The following SCFD1 variants were observed in gnomAD, a reference collection of about 807,000 sequenced individuals.
SCFD1 encodes sec1 family domain-containing protein 1.
SCFD1 carries 37 observed loss-of-function variants against 103.2 expected under a neutral mutation model. The observed-to-expected ratio is 0.36, with a 90% confidence interval of 0.28 to 0.47. The LOEUF (loss-of-function observed/expected upper bound fraction) is 0.47, where lower values mean the gene tolerates loss of function less well. SCFD1 is among the 20% of genes least tolerant of loss of function. The pLI is 1.00. For synonymous variants in SCFD1, 264 were observed against 245.0 expected (o/e 1.08, Z -0.73); for missense variants, 639 against 761.2 (o/e 0.84, Z 1.89).
chr14:30,716,913 T>A (rs1334010267), intron 20 of SCFD1, among the ~76,000 whole-genome samples: 1 of 152,198 alleles, frequency 6.6e-6, no homozygotes, highest in Non-Finnish European at 1.5e-5. Context: ...TAAAAAGGAT[T>A]GGATTCTTCC....
chr14:30,729,027 T>C (rs540098593), intron 23 of SCFD1, among the ~76,000 whole-genome samples: 1 of 152,220 alleles, frequency 6.6e-6, no homozygotes, highest in Non-Finnish European at 1.5e-5. Context: ...CCCAGAGTGT[T>C]GGGATTACAG....
intron 23 of SCFD1, among the ~76,000 whole-genome samples, chr14:30,728,607 C>T (rs61976741): frequency 0.28 from 41,879 of 151,938 alleles, 6,281 homozygotes; most frequent in East Asian, 0.62. Flanking sequence ...GGAATTGTTG[C>T]GTCACTTAGT....
At chr14:30,625,738 G>A (rs1482321287) in intron 1 of SCFD1, among the ~76,000 whole-genome samples, 1 of 151,332 alleles carries the variant, frequency 6.6e-6, no homozygotes, top group Non-Finnish European at 1.5e-5. Context: ...TATATCAATA[G>A]GTATATTGAT....
intron 15 of SCFD1, among the ~76,000 whole-genome samples, chr14:30,695,713 A>G (rs557305295): frequency 7.3e-4 from 111 of 152,160 alleles, no homozygotes; most frequent in African/African-American, 2.6e-3. Context: ...CACACAAAAA[A>G]TGAAGAAAGT....
chr14:30,727,841 T>C (rs572948119), intron 23 of SCFD1, among the ~76,000 whole-genome samples: 10 of 152,206 alleles, frequency 6.6e-5, no homozygotes, highest in African/African-American at 2.4e-4. Flanking sequence ...AGTCACATGA[T>C]GTTGAGGTGG....
chr14:30,674,486 A>G (rs1179358577), intron 13 of SCFD1, among the ~76,000 whole-genome samples: 1 of 152,122 alleles, frequency 6.6e-6, no homozygotes, highest in African/African-American at 2.4e-5. Context: ...ACTTAAAAAA[A>G]TAAATAAATA....
chr14:30,677,873 C>A (rs1889162631), intron 14 of SCFD1, among the ~76,000 whole-genome samples: 1 of 111,972 alleles, frequency 8.9e-6, no homozygotes, highest in African/African-American at 3.6e-5. Flanking sequence ...CAGAGTCTCA[C>A]TCTGTCACCA....
chr14:30,718,120 A>G (rs1892411145), intron 20 of SCFD1, among the ~76,000 whole-genome samples: 3 of 152,192 alleles, frequency 2.0e-5, no homozygotes, highest in African/African-American at 7.2e-5. Flanking sequence ...CATTCCCTTC[A>G]TGGAATCCCA....
Position 30,633,830 on chromosome 14 carries a change from C to T in SCFD1, c.222-117C>T. On this transcript the variant is annotated intron_variant, in intron 3 of 24. Coordinates refer to ENST00000458591, the MANE Select transcript of SCFD1 (RefSeq NM_016106.4). Reference sequence around the variant, plus strand: ...GATAGGTTAACTCACTGATTAATTGCAACAAGAGCTTTTAGAGCACTGGTT... The same window carrying T: ...GATAGGTTAACTCACTGATTAATTGTAACAAGAGCTTTTAGAGCACTGGTT... 2 of 509,422 alleles carry T rather than the reference C, an allele frequency of 3.9e-6. 1 individual carries two copies. Among genetic ancestry groups the T allele is most frequent in the South Asian group, 6.7e-5 (2 of 29,694 alleles). 31.6% of individuals were successfully genotyped at this position (509,422 alleles called of 1,614,324 possible).
At chr14:30,648,898 C>T (rs1293807547) in intron 7 of SCFD1, among the ~76,000 whole-genome samples, 1 of 150,468 alleles carries the variant, frequency 6.6e-6, no homozygotes, top group East Asian at 2.0e-4. Context: ...GGTTTGAGCC[C>T]AGCAGGTCAA....
intron 14 of SCFD1, among the ~76,000 whole-genome samples, chr14:30,692,028 C>G (rs902883909): frequency 6.6e-6 from 1 of 151,810 alleles, no homozygotes; most frequent in Non-Finnish European, 1.5e-5. Context: ...TCAAGCGATC[C>G]TCTCACCTCA....
chr14:30,639,922 AG>A (rs1041833740), intron 6 of SCFD1, 58 bp downstream of exon 6: 1 of 1,501,690 alleles, frequency 6.7e-7, no homozygotes, highest in African/African-American at 1.4e-5. Context: ...GTATACTGTA[AG>A]AAAAAAAGTG....
chr14:30,683,345 G>A (rs775680899), intron 14 of SCFD1: 13 of 594,150 alleles, frequency 2.2e-5, no homozygotes, highest in Non-Finnish European at 3.9e-5. Context: ...AGTCACTGGG[G>A]AACTCTAGTG....
At chr14:30,666,481 G>A (rs543596887) in intron 10 of SCFD1, among the ~76,000 whole-genome samples, 9 of 151,986 alleles carry the variant, frequency 5.9e-5, no homozygotes, top group African/African-American at 1.9e-4. Flanking sequence ...TAACATCACA[G>A]TTAAAAGAAC....
chr14:30,692,189 G>C (rs1890362463), intron 14 of SCFD1, among the ~76,000 whole-genome samples: 1 of 151,938 alleles, frequency 6.6e-6, no homozygotes, highest in South Asian at 2.1e-4. Flanking sequence ...ATGATTACTT[G>C]GTCTGTATAC....
At chr14:30,640,592 A>C (rs1425320042) in intron 6 of SCFD1, among the ~76,000 whole-genome samples, 2 of 152,108 alleles carry the variant, frequency 1.3e-5, no homozygotes, top group African/African-American at 4.8e-5. Flanking sequence ...TCTCCTAATC[A>C]GTCCCCTTTA....
At chr14:30,631,641 A>C (rs894828776) in intron 3 of SCFD1, among the ~76,000 whole-genome samples, 4 of 152,210 alleles carry the variant, frequency 2.6e-5, no homozygotes, top group African/African-American at 9.6e-5. Context: ...TAATCACCAT[A>C]GTGGGCTATC....
At chr14:30,631,005 T>G in intron 3 of SCFD1, 1 of 159,360 alleles carries the variant, frequency 6.3e-6, no homozygotes, top group Non-Finnish European at 1.4e-5. Flanking sequence ...CTCAGCATGC[T>G]CAGAATACTT....
chr14:30,698,030 T>A (rs1355794832), intron 15 of SCFD1, among the ~76,000 whole-genome samples: 1 of 152,358 alleles, frequency 6.6e-6, no homozygotes, highest in African/African-American at 2.4e-5. Flanking sequence ...CACATTTTGC[T>A]AATTGTTTTA....
Sources: gnomAD v4.1 joint callset for allele counts (sites outside exome capture counted in the v4.1 genomes callset) on GRCh38, gnomAD v4.1.1 for gene constraint, MANE v1.5 for transcripts, NCBI Gene and HGNC (gene_info 2026-07-23, HGNC 2026-07-21) for gene names.